The following HAPLN1 variants were observed in gnomAD, a reference collection of about 807,000 sequenced individuals.
HAPLN1 encodes the protein hyaluronan and proteoglycan link protein 1.
HAPLN1 carries 13 observed loss-of-function variants against 36.5 expected under a neutral mutation model. The ratio of observed to expected loss-of-function variants is 0.36; its 90% CI spans 0.23 to 0.57. The LOEUF (loss-of-function observed/expected upper bound fraction) is 0.57. HAPLN1 is among the 20% of genes least tolerant of loss of function. The pLI, the probability that HAPLN1 is intolerant of heterozygous loss-of-function variation, is 0.83. For missense variants in HAPLN1, 407 were observed against 439.7 expected, an observed-to-expected ratio of 0.93 and a Z score of 0.66; for synonymous variants, 202 against 169.8, an observed-to-expected ratio of 1.19 and a Z score of -1.48.
At position 83,639,705 on chromosome 5, in the gene HAPLN1, C is replaced by T. The variant is rs1749625365; in HGVS notation, c.*1791G>A. 6.6e-6 allele frequency: 1 copy of T among 152,044 alleles called. No individual in the cohort carries two copies. Among genetic ancestry groups the T allele is most frequent in the African/African-American group, 2.4e-5 (1 of 41,432 alleles). 9.4% of individuals were successfully genotyped at this position (152,044 alleles called of 1,614,324 possible). ...CACCAGTGTTTGAGTTTAAACTTTA[C>T]AAACTCTTTGGATTTATAGTTTTGT... On this transcript the variant is annotated 3_prime_UTR_variant, in exon 5 of 5. Coordinates refer to ENST00000274341, the MANE Select transcript of HAPLN1 (RefSeq NM_001884.4).
At chr5:83,656,777 T>G (rs944362277) in intron 2 of HAPLN1, among the ~76,000 whole-genome samples, 1 of 152,166 alleles carries the variant, frequency 6.6e-6, no homozygotes, top group African/African-American at 2.4e-5. Context: ...ACTGAACCGC[T>G]GGGGCCTCGT....
intron 4 of HAPLN1, 98 bp from the exon 5 acceptor site, chr5:83,641,883 G>C (rs74845120): frequency 6.5e-6 from 8 of 1,223,822 alleles, no homozygotes; most frequent in African/African-American, 3.0e-5. Flanking sequence ...AATGAAGGGG[G>C]ATATAGAGCA....
intron 1 of HAPLN1, among the ~76,000 whole-genome samples, chr5:83,705,383 G>T (rs1308379864): frequency 1.5e-4 from 7 of 45,288 alleles, no homozygotes; most frequent in East Asian, 8.8e-4. Flanking sequence ...AGAGTGAAAC[G>T]TCACAAAAAA....
intron 1 of HAPLN1, among the ~76,000 whole-genome samples, chr5:83,681,187 A>G (rs1431138124): frequency 2.6e-5 from 4 of 152,224 alleles, no homozygotes. Context: ...ATGATCAGTA[A>G]TAGTAAATGA....
intron 1 of HAPLN1, among the ~76,000 whole-genome samples, chr5:83,716,221 A>T (rs1751909474): frequency 6.6e-6 from 1 of 152,204 alleles, no homozygotes; most frequent in Non-Finnish European, 1.5e-5. Context: ...TTTGAATATT[A>T]TTTAATTTAA....
At chr5:83,698,619 C>A (rs933332351) in intron 1 of HAPLN1, among the ~76,000 whole-genome samples, 2 of 152,070 alleles carry the variant, frequency 1.3e-5, no homozygotes, top group Non-Finnish European at 2.9e-5. Context: ...TAAATAGCTG[C>A]CAATTGTTCA....
At chr5:83,644,043 T>A (rs1749780921) in intron 4 of HAPLN1, among the ~76,000 whole-genome samples, 1 of 152,162 alleles carries the variant, frequency 6.6e-6, no homozygotes, top group African/African-American at 2.4e-5. Flanking sequence ...AACCATATCC[T>A]ACGGAGGGCA....
intron 2 of HAPLN1, among the ~76,000 whole-genome samples, chr5:83,660,474 G>T (rs1202786839): frequency 6.6e-6 from 1 of 152,106 alleles, no homozygotes; most frequent in African/African-American, 2.4e-5. Context: ...GAGCCTCTCT[G>T]CTTGAGATGG....
rs528597989 is a variant in HAPLN1 at position 83,708,142 on chromosome 5, A to G, written c.-27+12647T>C. 1.4e-4 allele frequency among the ~76,000 whole-genome samples: 21 copies of G among 152,388 alleles called. 1 individual carries two copies. In the South Asian group the frequency reaches 3.1e-3, roughly 23 times the overall value. ...ATGTAAGTTAGTTCAAACATTGCGG[A>G]AAGCAGTATGGTGACTCCTCAGAGA... On this transcript the variant is annotated intron_variant, in intron 1 of 4. Transcript: ENST00000274341.
At chr5:83,697,170 T>C (rs1002513729) in intron 1 of HAPLN1, among the ~76,000 whole-genome samples, 3 of 152,186 alleles carry the variant, frequency 2.0e-5, no homozygotes, top group African/African-American at 7.2e-5. Context: ...AATGATTCAA[T>C]GAATATTCAA....
intron 2 of HAPLN1, among the ~76,000 whole-genome samples, chr5:83,655,664 T>A (rs192615360): frequency 1.4e-3 from 211 of 152,120 alleles, no homozygotes; most frequent in African/African-American, 4.9e-3. Flanking sequence ...AACATGGCCT[T>A]GAGAATAATG....
At chr5:83,692,176 T>C (rs889142063) in intron 1 of HAPLN1, among the ~76,000 whole-genome samples, 5 of 151,822 alleles carry the variant, frequency 3.3e-5, no homozygotes, top group Non-Finnish European at 5.9e-5. Flanking sequence ...AAAACATACG[T>C]AATTGGAGTC....
rs766340326 is a variant in HAPLN1 at position 83,668,001 on chromosome 5, G to T, written c.100+5423C>A. 5.3e-4 allele frequency among the ~76,000 whole-genome samples: 81 copies of T among 152,250 alleles called. 1 individual carries two copies. The highest frequency in any genetic ancestry group is 5.9e-4 in the Admixed American group (9 of 15,286). ...GTTCATCTGCTGCTTCTCATTCCAT[G>T]AATTGAAAATATTTCCCTGGGATTT... is the stretch of plus-strand genomic sequence containing the variant. On this transcript the variant is annotated intron_variant, in intron 2 of 4. Transcript: ENST00000274341.
intron 2 of HAPLN1, among the ~76,000 whole-genome samples, chr5:83,658,583 A>C (rs1278541242): frequency 6.6e-6 from 1 of 152,226 alleles, no homozygotes; most frequent in Admixed American, 6.5e-5. Context: ...TGAGTAGGAC[A>C]CAAAATTTAG....
At chr5:83,644,020 C>A (rs566229433) in intron 4 of HAPLN1, among the ~76,000 whole-genome samples, 1 of 152,286 alleles carries the variant, frequency 6.6e-6, no homozygotes, top group East Asian at 1.9e-4. Context: ...GGCACGCTTA[C>A]TTTGATTGAC....
At chr5:83,653,191 G>A (rs959661599) in intron 2 of HAPLN1, among the ~76,000 whole-genome samples, 1 of 152,162 alleles carries the variant, frequency 6.6e-6, no homozygotes. Flanking sequence ...AGAGAAGTGA[G>A]AGAGTTGCAT....
In HAPLN1 at chr5:83,656,297, C is replaced by T. The variant is rs531091221; in HGVS notation, c.101-3473G>A. The stretch of plus-strand genomic sequence containing the variant: ...GAGCTGAGATTGTGTCGCTGTACCC[C>T]AGCCTGGGCAACACAGAAAGACTAC... On this transcript the variant is annotated intron_variant, in intron 2 of 4. Transcript: ENST00000274341. Among the ~76,000 whole-genome samples the T allele has an allele frequency of 2.5e-3, 320 of 128,238 alleles. 1 individual carries two copies. The highest frequency in any genetic ancestry group is 6.7e-3 in the Middle Eastern group (1 of 150). The allele number at this position is 128,238 out of a possible 152,430, so 84.1% of individuals were successfully genotyped here. A position where few individuals can be genotyped will look rare whatever the true frequency, so the allele number is the denominator to read the frequency against.
At chr5:83,679,212 C>A (rs73133855) in intron 1 of HAPLN1, among the ~76,000 whole-genome samples, 5,039 of 152,186 alleles carry the variant, frequency 0.033, 308 homozygotes, top group African/African-American at 0.12. Context: ...AAAATGACTG[C>A]TTTTTGGAGT....
At chr5:83,692,606 C>A (rs968158451) in intron 1 of HAPLN1, among the ~76,000 whole-genome samples, 1 of 151,780 alleles carries the variant, frequency 6.6e-6, no homozygotes, top group Non-Finnish European at 1.5e-5. Flanking sequence ...CAATAGCCTA[C>A]ACAGAAATAA....
Sources: gnomAD v4.1 joint callset for allele counts (sites outside exome capture counted in the v4.1 genomes callset) on GRCh38, gnomAD v4.1.1 for gene constraint, MANE v1.5 for transcripts, NCBI Gene and HGNC (gene_info 2026-07-23, HGNC 2026-07-21) for gene names.